Variants in SDK1 observed in about 807,000 individuals in gnomAD.
The protein encoded by SDK1 is protein sidekick-1.
SDK1 carries 157 observed loss-of-function variants against 245.5 expected under a neutral mutation model. The observed-to-expected ratio is 0.64, with a 90% CI of 0.56 to 0.73. The LOEUF (loss-of-function observed/expected upper bound fraction) is 0.73, where lower values mean the gene tolerates loss of function less well. SDK1 is among the 30% of genes least tolerant of loss of function. The probability of loss-of-function intolerance (pLI) is 0.00; values close to 1 mark genes in which losing one functional copy is unlikely to be tolerated. For missense variants in SDK1, 3,583 were observed against 3,002.3 expected (o/e 1.19, Z -4.52); for synonymous variants, 1,647 against 1,278.5 (o/e 1.29, Z -6.15).
intron 1 of SDK1, among the ~76,000 whole-genome samples, chr7:3,611,218 T>G (rs1781577558): frequency 6.6e-6 from 1 of 152,148 alleles, no homozygotes; most frequent in Admixed American, 6.6e-5. Context: ...TGGGAAGTAT[T>G]TAGAAATATT....
Position 3,799,259 on chromosome 7 carries a change from G to C in SDK1, c.714-22191G>C, listed in dbSNP as rs555433177. Among the ~76,000 whole-genome samples the C allele has an allele frequency of 3.3e-5, 5 of 152,156 alleles. No homozygotes were observed. In the South Asian group the frequency reaches 1.0e-3, roughly 32 times the overall value. ...TGAAATTGTGTTAAATCTTCCAACT[G>C]AATCTGGAAAGAAATAGTATCTTTA... is the stretch of plus-strand genomic sequence containing the variant. On this transcript the variant is annotated intron_variant, in intron 4 of 44. Transcript: ENST00000404826.
chr7:3,430,186 G>A (rs1301371011), intron 1 of SDK1, among the ~76,000 whole-genome samples: 7 of 152,202 alleles, frequency 4.6e-5, no homozygotes, highest in Admixed American at 2.6e-4. Context: ...TAGAGAAGGA[G>A]CCGTTTCAGC....
intron 17 of SDK1, among the ~76,000 whole-genome samples, chr7:4,018,559 G>A (rs1786606267): frequency 6.6e-6 from 1 of 152,138 alleles, no homozygotes; most frequent in South Asian, 2.1e-4. Flanking sequence ...TGCTTTAACT[G>A]GTCTATTTAA....
intron 1 of SDK1, among the ~76,000 whole-genome samples, chr7:3,500,775 T>C (rs1277569716): frequency 6.6e-6 from 1 of 152,108 alleles, no homozygotes; most frequent in Non-Finnish European, 1.5e-5. Flanking sequence ...GACTCCTGTT[T>C]GGAAGTTTTG....
rs751212687 is a variant in SDK1, at chr7:3,619,190, A to G, written c.409A>G (p.Lys137Glu). ...CGAAGGGAGCTGGCCTTTGGAGTTC[A>G]AGTGGATGCGCGATGACAGTGAGCT... is the stretch of plus-strand genomic sequence containing the variant. The part of the protein sequence containing the change: ...LAEGSWPLEF[K>E]WMRDDSELTT... Residue 137 changes from lysine to glutamate, a missense_variant, in exon 2 of 45, where the codon AAG (lysine) becomes GAG (glutamate). By Grantham distance (56) the Lys-to-Glu change is moderately conservative. Coordinates refer to ENST00000404826, the MANE Select transcript of SDK1 (RefSeq NM_152744.4). 6.2e-7 allele frequency: 1 copy of G among 1,613,992 alleles called. No homozygotes were observed. Among genetic ancestry groups the G allele is most frequent in the Non-Finnish European group, 8.5e-7 (1 of 1,179,852 alleles).
At chr7:3,706,493 C>G (rs942904481) in intron 4 of SDK1, among the ~76,000 whole-genome samples, 4 of 152,338 alleles carry the variant, frequency 2.6e-5, no homozygotes, top group Admixed American at 2.6e-4. Context: ...GCTCCGCCTC[C>G]TGGGTTCACA....
intron 30 of SDK1, among the ~76,000 whole-genome samples, chr7:4,156,612 G>C (rs772620959): frequency 1.3e-5 from 2 of 152,194 alleles, no homozygotes; most frequent in Non-Finnish European, 2.9e-5. Flanking sequence ...GTCTTAAGCA[G>C]GACGGGGACC....
intron 5 of SDK1, among the ~76,000 whole-genome samples, chr7:3,827,069 T>G (rs1779793565): frequency 6.6e-6 from 1 of 152,198 alleles, no homozygotes; most frequent in African/African-American, 2.4e-5. Context: ...CCTGTGTGAT[T>G]TATTTCAACC....
chr7:3,822,235 G>T (rs960015333), intron 5 of SDK1, among the ~76,000 whole-genome samples: 1 of 152,154 alleles, frequency 6.6e-6, no homozygotes. Context: ...AACTAATCTA[G>T]ATTCAGACAT....
intron 5 of SDK1, among the ~76,000 whole-genome samples, chr7:3,947,412 C>G (rs1780621119): frequency 6.6e-6 from 1 of 152,024 alleles, no homozygotes; most frequent in African/African-American, 2.4e-5. Flanking sequence ...TTTATATTTA[C>G]TATGTAAAGA....
At chr7:3,493,678 T>A (rs1781934348) in intron 1 of SDK1, among the ~76,000 whole-genome samples, 1 of 152,230 alleles carries the variant, frequency 6.6e-6, no homozygotes, top group Non-Finnish European at 1.5e-5. Flanking sequence ...GCCTTCTCAC[T>A]TTCAATTTCT....
intron 4 of SDK1, among the ~76,000 whole-genome samples, chr7:3,651,950 C>G (rs945941932): frequency 6.6e-6 from 1 of 152,096 alleles, no homozygotes; most frequent in Non-Finnish European, 1.5e-5. Context: ...TATTTTCAGA[C>G]AAGCCTGAGA....
chr7:3,405,323 C>A (rs1340589974), intron 1 of SDK1, among the ~76,000 whole-genome samples: 4 of 152,048 alleles, frequency 2.6e-5, no homozygotes, highest in African/African-American at 9.7e-5. Context: ...AACTTAGACC[C>A]AATGTGTCCA....
chr7:3,665,569 C>G (rs1376201876), intron 4 of SDK1, among the ~76,000 whole-genome samples: 1 of 152,180 alleles, frequency 6.6e-6, no homozygotes, highest in Admixed American at 6.5e-5. Flanking sequence ...TGTCTTGTGC[C>G]TGACTAGTTA....
chr7:3,870,560 T>C (rs1396560961), intron 5 of SDK1, among the ~76,000 whole-genome samples: 1 of 146,058 alleles, frequency 6.8e-6, no homozygotes, highest in East Asian at 1.9e-4. Flanking sequence ...TTTACCTTTT[T>C]GTAAAAAAGA....
At chr7:3,761,668 G>C (rs1050036950) in intron 4 of SDK1, among the ~76,000 whole-genome samples, 6 of 151,864 alleles carry the variant, frequency 4.0e-5, no homozygotes, top group Admixed American at 1.3e-4. Context: ...GGAGCGCAGA[G>C]AACACAGGAA....
intron 4 of SDK1, among the ~76,000 whole-genome samples, chr7:3,652,800 C>G (rs888390598): frequency 2.6e-5 from 4 of 152,110 alleles, no homozygotes; most frequent in African/African-American, 9.7e-5. Flanking sequence ...GAAGTGTAGC[C>G]TAACTACCAT....
At chr7:3,987,101 G>T in intron 13 of SDK1, 85 bp from the exon 14 acceptor site, 1 of 1,348,374 alleles carries the variant, frequency 7.4e-7, no homozygotes, top group Non-Finnish European at 1.0e-6. Context: ...TGACACAGCA[G>T]GACGGTCTGC....
intron 4 of SDK1, among the ~76,000 whole-genome samples, chr7:3,687,167 C>A (rs1160732218): frequency 8.0e-6 from 1 of 124,942 alleles, no homozygotes; most frequent in Non-Finnish European, 1.7e-5. Flanking sequence ...AAAGTCTGTA[C>A]ACAAATGTTC....
Sources: allele counts gnomAD v4.1 joint callset (sites outside exome capture counted in the v4.1 genomes callset), GRCh38; gene constraint gnomAD v4.1.1; transcripts MANE v1.5; gene names NCBI Gene and HGNC (gene_info 2026-07-23, HGNC 2026-07-21).